The following LDHAL6A variants were observed in gnomAD, a reference collection of about 807,000 sequenced individuals.
The protein encoded by LDHAL6A is L-lactate dehydrogenase A-like 6A.
A neutral mutation model predicts 28.2 loss-of-function variants in LDHAL6A; 19 were observed. The ratio of observed to expected loss-of-function variants is 0.67; its 90% CI spans 0.47 to 0.99. LDHAL6A has a LOEUF of 0.99. LDHAL6A is among the 50% of genes least tolerant of loss of function. The probability of loss-of-function intolerance (pLI) is 0.00; values close to 1 mark genes in which losing one functional copy is unlikely to be tolerated. For synonymous variants in LDHAL6A, 144 were observed against 134.4 expected (o/e 1.07, Z -0.49); for missense variants, 372 against 398.6 (o/e 0.93, Z 0.57).
chr11:18,469,350 CAAAT>C (rs1055570231), intron 3 of LDHAL6A: 2 of 420,092 alleles, frequency 4.8e-6, no homozygotes, highest in African/African-American at 4.1e-5. Context: ...TTAGGAAAAA[CAAAT>C]TAAGCATCAC....
intron 1 of LDHAL6A, among the ~76,000 whole-genome samples, chr11:18,461,987 C>T (rs1848922914): frequency 6.6e-6 from 1 of 151,302 alleles, no homozygotes; most frequent in African/African-American, 2.4e-5. Context: ...CCCATGTCTA[C>T]AAAAAATACA....
At chr11:18,467,902 T>C (rs1290150337) in intron 3 of LDHAL6A, among the ~76,000 whole-genome samples, 21 of 70,826 alleles carry the variant, frequency 3.0e-4, no homozygotes, top group African/African-American at 1.0e-3. Flanking sequence ...TATATATATA[T>C]ATATATATAT....
At chr11:18,470,496 A>T (rs1849231412) in intron 3 of LDHAL6A, among the ~76,000 whole-genome samples, 1 of 152,204 alleles carries the variant, frequency 6.6e-6, no homozygotes, top group African/African-American at 2.4e-5. Flanking sequence ...GTATCATTTA[A>T]ATGAATCACC....
chr11:18,456,579 C>G lies in LDHAL6A; in HGVS notation c.-102C>G. The G allele has an allele frequency of 5.7e-6, 6 of 1,046,608 alleles. No individual in the cohort carries two copies. The highest frequency in any genetic ancestry group is 8.6e-6 in the Non-Finnish European group (6 of 698,250). 64.8% of individuals were successfully genotyped at this position (1,046,608 alleles called of 1,614,324 possible). A position where few individuals can be genotyped will look rare whatever the true frequency, so the allele number is the denominator to read the frequency against. ...CTCCTTCCACACGGGCCCAGGAGTT[C>G]TCTATACGCGCTCTCACCGCAGGTC... On this transcript the variant is annotated 5_prime_UTR_variant, in exon 1 of 7. Coordinates refer to ENST00000280706, the MANE Select transcript of LDHAL6A (RefSeq NM_144972.5).
intron 1 of LDHAL6A, among the ~76,000 whole-genome samples, chr11:18,461,490 C>T (rs1254865144): frequency 6.6e-6 from 1 of 151,932 alleles, no homozygotes; most frequent in Non-Finnish European, 1.5e-5. Context: ...ATTTTTCCTC[C>T]AAGGAAAAAT....
chr11:18,459,695 C>G (rs148910057), intron 1 of LDHAL6A, among the ~76,000 whole-genome samples: 1 of 152,316 alleles, frequency 6.6e-6, no homozygotes, highest in East Asian at 1.9e-4. Context: ...ACACTTTACT[C>G]AGATTTCTTT....
rs1408562217 is a variant in LDHAL6A, at chr11:18,465,852, G to T, written c.418+42G>T. 3.3e-6 allele frequency: 5 copies of T among 1,502,548 alleles called. No homozygotes were observed. In the South Asian group the frequency reaches 5.9e-5, roughly 18 times the overall value. 93.1% of individuals were successfully genotyped at this position (1,502,548 alleles called of 1,614,324 possible). On this transcript the variant is annotated intron_variant, in intron 3 of 6. Coordinates refer to ENST00000280706, the MANE Select transcript of LDHAL6A (RefSeq NM_144972.5). ...TAAATTTTCAACTTTTAGATTCGGG[G>T]GTACACTGTGTAGGTTCATTACATG...
chr11:18,471,099 TAAAAC>T (rs1341732335), intron 3 of LDHAL6A, among the ~76,000 whole-genome samples: 3 of 152,198 alleles, frequency 2.0e-5, no homozygotes, highest in East Asian at 3.8e-4. Context: ...TTTTAAAAAT[TAAAAC>T]AAGCAATTAG....
chr11:18,477,869 T>C (rs12420014), intron 6 of LDHAL6A, 126 bp downstream of exon 6: 28,436 of 821,728 alleles, frequency 0.035, 626 homozygotes, highest in Non-Finnish European at 0.043. Flanking sequence ...AGTCTGTTCT[T>C]TGCTGCTGAA....
In LDHAL6A at chr11:18,464,079, G is replaced by A. The variant is rs1190569849; in HGVS notation, c.244+1G>A. 1 of 1,542,152 alleles carries A rather than the reference G, an allele frequency of 6.5e-7. No individual in the cohort carries two copies. Among genetic ancestry groups the A allele is most frequent in the Non-Finnish European group, 9.0e-7 (1 of 1,114,488 alleles). On this transcript the variant is annotated splice_donor_variant, in intron 2 of 6. Transcript: ENST00000280706. LOFTEE classifies it high-confidence loss of function. ...ATGCCAAATATTGTCTCCAGCAAAG[G>A]TTAATGTCATAGTTAAATACTATAA...
At chr11:18,475,425 G>A (rs1271418006) in intron 3 of LDHAL6A, 41 bp from the exon 4 acceptor site, 2 of 1,466,844 alleles carry the variant, frequency 1.4e-6, no homozygotes, top group East Asian at 2.3e-5. Context: ...ACATATCCTT[G>A]TAGATGAGGA....
At chr11:18,460,878 A>C (rs1272877552) in intron 1 of LDHAL6A, among the ~76,000 whole-genome samples, 1 of 151,990 alleles carries the variant, frequency 6.6e-6, no homozygotes, top group African/African-American at 2.4e-5. Context: ...ACTCTGTTGC[A>C]CAGGCTGCAG....
intron 1 of LDHAL6A, among the ~76,000 whole-genome samples, chr11:18,463,382 G>A (rs1473233956): frequency 6.6e-6 from 1 of 152,134 alleles, no homozygotes; most frequent in African/African-American, 2.4e-5. Flanking sequence ...CAGCAAGAAA[G>A]CCCTCACCAT....
At chr11:18,462,045 G>A (rs1301776316) in intron 1 of LDHAL6A, among the ~76,000 whole-genome samples, 1 of 151,686 alleles carries the variant, frequency 6.6e-6, no homozygotes, top group Non-Finnish European at 1.5e-5. Flanking sequence ...GGTGGTAGGC[G>A]CCTGTTGTCC....
chr11:18,478,939 T>C lies in LDHAL6A; in HGVS notation c.*69T>C, dbSNP rs1849466135. 8.0e-7 allele frequency: 1 copy of C among 1,254,324 alleles called. No individual in the cohort carries two copies. Among genetic ancestry groups the C allele is most frequent in the Non-Finnish European group, 1.1e-6 (1 of 901,512 alleles). The allele number at this position is 1,254,324 out of a possible 1,614,324, so 77.7% of individuals were successfully genotyped here. ...TTATGGAATTGTATATGTCAAACTT[T>C]TGAATAAATTTGAATTTCTAAAAGT... On this transcript the variant is annotated 3_prime_UTR_variant, in exon 7 of 7. Coordinates refer to ENST00000280706, the MANE Select transcript of LDHAL6A (RefSeq NM_144972.5).
At position 18,456,354 on chromosome 11, in the gene LDHAL6A, A is replaced by C. The variant is rs1215204362; in HGVS notation, c.-327A>C. 1 of 247,922 alleles carries C rather than the reference A, an allele frequency of 4.0e-6. No individual in the cohort carries two copies. The highest frequency in any genetic ancestry group is 7.8e-6 in the Non-Finnish European group (1 of 128,838). 15.4% of individuals were successfully genotyped at this position (247,922 alleles called of 1,614,324 possible). A position where few individuals can be genotyped will look rare whatever the true frequency, so the allele number is the denominator to read the frequency against. ...GAAAAGGGGGTCAGCTGCGGGACGG[A>C]GTGCCGTCCCAGCTGTAGTTTCATG... On this transcript the variant is annotated 5_prime_UTR_variant, in exon 1 of 7. Coordinates refer to ENST00000280706, the MANE Select transcript of LDHAL6A (RefSeq NM_144972.5).
At chr11:18,467,928 TATATATATACAC>T (rs1565071083) in intron 3 of LDHAL6A, among the ~76,000 whole-genome samples, 2 of 69,148 alleles carry the variant, frequency 2.9e-5, no homozygotes, top group African/African-American at 1.2e-4. Context: ...TACACACACA[TATATATATACAC>T]ACACATATAT....
At chr11:18,458,645 G>A (rs767061717) in intron 1 of LDHAL6A, among the ~76,000 whole-genome samples, 5 of 152,142 alleles carry the variant, frequency 3.3e-5, no homozygotes, top group African/African-American at 1.2e-4. Context: ...TGCTGATAAG[G>A]AATTCTCAAT....
chr11:18,477,465 GAAGA>G (rs555997321), intron 5 of LDHAL6A, among the ~76,000 whole-genome samples, 151 bp from the exon 6 acceptor site: 1,613 of 146,668 alleles, frequency 0.011, 17 homozygotes, highest in Non-Finnish European at 0.016. Context: ...AAAAAAAAAA[GAAGA>G]AAGAAAAAAT....
Sources: gnomAD v4.1 joint callset for allele counts (sites outside exome capture counted in the v4.1 genomes callset) on GRCh38, gnomAD v4.1.1 for gene constraint, MANE v1.5 for transcripts, NCBI Gene and HGNC (gene_info 2026-07-23, HGNC 2026-07-21) for gene names.